ALS2: variants seen among roughly 807,000 people sequenced by gnomAD.
ALS2 encodes the protein alsin Rho guanine nucleotide exchange factor ALS2.
ALS2 carries 117 observed loss-of-function variants against 203.4 expected under a neutral mutation model. The observed-to-expected ratio is 0.58, with a 90% CI of 0.50 to 0.67. The LOEUF is 0.67. Ranked by LOEUF, ALS2 falls within the 30% of genes least tolerant of loss-of-function variation. The probability of loss-of-function intolerance (pLI) is 0.00; values close to 1 mark genes in which losing one functional copy is unlikely to be tolerated. For missense variants in ALS2, 1,715 were observed against 1,989.4 expected, an observed-to-expected ratio of 0.86 and a Z score of 2.62; for synonymous variants, 718 against 725.9, an observed-to-expected ratio of 0.99 and a Z score of 0.17.
At chr2:201,764,039 G>GTA (rs977962916) in intron 3 of ALS2, among the ~76,000 whole-genome samples, 7 of 152,078 alleles carry the variant, frequency 4.6e-5, no homozygotes, top group Admixed American at 3.9e-4. Flanking sequence ...GCAGATACAT[G>GTA]TATACACTCA....
chr2:201,766,128 T>C lies in ALS2; in HGVS notation c.175+1101A>G, dbSNP rs1168211769. ...ACAACTGCTTAACAAACATTAGCTA[T>C]TATTAGCATTAGTATTCTGATAGAC... is the stretch of plus-strand genomic sequence containing the variant. On this transcript the variant is annotated intron_variant, in intron 3 of 33. Coordinates refer to ENST00000264276, the MANE Select transcript of ALS2 (RefSeq NM_020919.4). 2.6e-5 allele frequency among the ~76,000 whole-genome samples: 4 copies of C among 152,302 alleles called. No homozygotes were observed. In the East Asian group the frequency reaches 5.8e-4, roughly 22 times the overall value.
intron 13 of ALS2, among the ~76,000 whole-genome samples, chr2:201,731,110 A>T (rs1691525385): frequency 6.6e-6 from 1 of 152,178 alleles, no homozygotes; most frequent in Non-Finnish European, 1.5e-5. Context: ...TCAAAGGATG[A>T]TCTCTCACGT....
At chr2:201,722,311 T>C (rs922361786) in intron 23 of ALS2, 1 of 152,204 alleles carries the variant, frequency 6.6e-6, no homozygotes, top group Non-Finnish European at 1.5e-5. Flanking sequence ...GGAATGGCTA[T>C]AAGAAAAAAG....
chr2:201,754,369 T>G, intron 6 of ALS2, 134 bp downstream of exon 6: 1 of 1,144,624 alleles, frequency 8.7e-7, no homozygotes, highest in Non-Finnish European at 1.3e-6. Flanking sequence ...TTTATCAGAG[T>G]TAATGGTGTG....
Position 201,711,051 on chromosome 2 carries a change from T to G in ALS2, c.4062A>C (p.Pro1354=). ...TQTLESLEFI[P]QHVGAFSVEK... is the part of the protein sequence containing the mutation. ...CCACAGAGAAGGCACCAACATGCTG[T>G]GGAATGAATTCCAAACTCTCTAGTG... is the stretch of plus-strand genomic sequence containing the variant. Residue 1354 remains proline, a synonymous_variant, in exon 26 of 34, where the codon CCA becomes CCC. Transcript: ENST00000264276. 6.2e-7 allele frequency: 1 copy of G among 1,613,142 alleles called. No individual in the cohort carries two copies. The highest frequency in any genetic ancestry group is 8.5e-7 in the Non-Finnish European group (1 of 1,179,280).
intron 24 of ALS2, 121 bp from the exon 25 acceptor site, chr2:201,715,960 G>A: frequency 1.0e-6 from 1 of 978,346 alleles, no homozygotes; most frequent in Non-Finnish European, 1.6e-6. Context: ...TGCCAAGACT[G>A]ATGGTAATTC....
rs1172958012 is a variant in ALS2 at position 201,768,872 on chromosome 2, T to A, written c.14A>T (p.Lys5Met). The change falls in exon 2 of 34, where the codon AAG becomes ATG. Residue 5 changes from lysine to methionine, a missense_variant. By Grantham distance (95) the Lys-to-Met change is moderately conservative. Coordinates refer to ENST00000264276, the MANE Select transcript of ALS2 (RefSeq NM_020919.4). ...AAGGAAGAAATGATTTTACCTTCTCTTCTTTGAGTCCATCGGTCAGTGGGA... is the reference window on the plus strand; with the variant it reads ...AAGGAAGAAATGATTTTACCTTCTCATCTTTGAGTCCATCGGTCAGTGGGA... Reference protein sequence around the residue: MDSKKRSSTEAEGSK... With the variant: MDSKMRSSTEAEGSK... The A allele has an allele frequency of 3.1e-6, 5 of 1,613,526 alleles. No individual in the cohort carries two copies. In the East Asian group the frequency reaches 1.1e-4, roughly 36 times the overall value.
chr2:201,780,168 T>C (rs537140003), intron 1 of ALS2: 7 of 152,296 alleles, frequency 4.6e-5, no homozygotes, highest in East Asian at 3.9e-4. Context: ...CCTTAAGCAA[T>C]AGAACGATTC....
chr2:201,709,080 T>C (rs1393344071), intron 27 of ALS2, among the ~76,000 whole-genome samples: 1 of 152,216 alleles, frequency 6.6e-6, no homozygotes, highest in East Asian at 1.9e-4. Context: ...CTATAGTATT[T>C]ACTTGTTGGC....
chr2:201,779,570 T>C (rs1381932569), intron 1 of ALS2, among the ~76,000 whole-genome samples: 1 of 152,194 alleles, frequency 6.6e-6, no homozygotes, highest in East Asian at 1.9e-4. Flanking sequence ...GTTTGGATCA[T>C]GATGTAGTGG....
chr2:201,724,624 T>A (rs1413998017), intron 20 of ALS2, among the ~76,000 whole-genome samples, 165 bp from the exon 21 acceptor site: 1 of 152,204 alleles, frequency 6.6e-6, no homozygotes, highest in African/African-American at 2.4e-5. Context: ...TTTCGAATGA[T>A]TAAAGTTAAA....
At chr2:201,741,510 T>C in intron 11 of ALS2, 164 bp downstream of exon 11, 1 of 714,934 alleles carries the variant, frequency 1.4e-6, no homozygotes, top group South Asian at 1.7e-5. Context: ...AAGACTAAAT[T>C]TTAGCAATCC....
At chr2:201,766,055 C>T (rs1694061148) in intron 3 of ALS2, among the ~76,000 whole-genome samples, 1 of 152,190 alleles carries the variant, frequency 6.6e-6, no homozygotes, top group African/African-American at 2.4e-5. Context: ...TGTTATCTCA[C>T]TAACTTGTTA....
At chr2:201,749,364 C>T (rs907782037) in intron 8 of ALS2, among the ~76,000 whole-genome samples, 5 of 151,890 alleles carry the variant, frequency 3.3e-5, no homozygotes, top group African/African-American at 9.7e-5. Context: ...AAAAGTCAAA[C>T]AATGGAGAAT....
chr2:201,776,115 C>G (rs1187987591), intron 1 of ALS2, among the ~76,000 whole-genome samples: 1 of 152,076 alleles, frequency 6.6e-6, no homozygotes, highest in East Asian at 1.9e-4. Context: ...CTAATAGAAA[C>G]TCTCATATAT....
chr2:201,736,497 C>T (rs373045366), intron 12 of ALS2, among the ~76,000 whole-genome samples: 1 of 152,024 alleles, frequency 6.6e-6, no homozygotes, highest in African/African-American at 2.4e-5. Flanking sequence ...TAAATGGCTA[C>T]ATTAGAAAAA....
At chr2:201,750,826 G>A (rs76487572) in intron 7 of ALS2, among the ~76,000 whole-genome samples, 5,232 of 150,612 alleles carry the variant, frequency 0.035, 266 homozygotes, top group African/African-American at 0.11. Context: ...AACAAATTAC[G>A]TACTGAATTA....
intron 13 of ALS2, among the ~76,000 whole-genome samples, chr2:201,731,830 A>T (rs181013963): frequency 3.0e-4 from 46 of 152,270 alleles, no homozygotes; most frequent in African/African-American, 1.0e-3. Context: ...CAGAGTAAAT[A>T]ATCCTTCAGA....
intron 12 of ALS2, among the ~76,000 whole-genome samples, chr2:201,735,131 C>T (rs536305709): frequency 1.3e-5 from 2 of 151,652 alleles, no homozygotes; most frequent in East Asian, 3.9e-4. Context: ...ATACGTGATT[C>T]GACTCATATA....
Sources: allele counts gnomAD v4.1 joint callset (sites outside exome capture counted in the v4.1 genomes callset), GRCh38; gene constraint gnomAD v4.1.1; transcripts MANE v1.5; gene names NCBI Gene and HGNC (gene_info 2026-07-23, HGNC 2026-07-21).